The following MYOCD variants were observed in gnomAD, a reference collection of about 807,000 sequenced individuals.
MYOCD encodes myocardin.
MYOCD carries 32 observed loss-of-function variants against 96.1 expected under a neutral mutation model. That is an observed-to-expected ratio of 0.33 (90% CI 0.25 to 0.45). The LOEUF (loss-of-function observed/expected upper bound fraction) is 0.45. Among genes scored for constraint, MYOCD ranks in the 20% least tolerant of loss-of-function variants. The pLI, the probability that MYOCD is intolerant of heterozygous loss-of-function variation, is 1.00. For synonymous variants in MYOCD, 469 were observed against 469.0 expected (o/e 1.00, Z 0.00); for missense variants, 1,133 against 1,200.6 (o/e 0.94, Z 0.83).
intron 2 of MYOCD, among the ~76,000 whole-genome samples, chr17:12,710,337 C>T (rs901061747): frequency 5.9e-5 from 9 of 152,080 alleles, no homozygotes; most frequent in African/African-American, 2.2e-4. Flanking sequence ...GACACGGGGC[C>T]CGGGGAGGCT....
intron 1 of MYOCD, among the ~76,000 whole-genome samples, chr17:12,694,844 C>T (rs1201079650): frequency 1.1e-5 from 1 of 89,794 alleles, no homozygotes; most frequent in Non-Finnish European, 2.2e-5. Context: ...TCTAAACCTT[C>T]AATAATGGCC....
intron 9 of MYOCD, 38 bp from the exon 10 acceptor site, chr17:12,752,376 C>T (rs1193953359): frequency 3.3e-6 from 5 of 1,512,496 alleles, no homozygotes; most frequent in Admixed American, 2.0e-5. Flanking sequence ...AAAATATTGT[C>T]GTTAAACAGC....
In MYOCD at chr17:12,684,652, C is replaced by T. The variant is rs571393568; in HGVS notation, c.55+18409C>T. 3.3e-5 allele frequency among the ~76,000 whole-genome samples: 5 copies of T among 151,468 alleles called. No homozygotes were observed. The East Asian group carries it at 1.0e-3, about 30-fold the overall frequency. On this transcript the variant is annotated intron_variant, in intron 1 of 13. Transcript: ENST00000425538. ...ACAAGGTCAGGAGTGCAAGATTAGCCTGGCCAACATAGTGAAACCCCGTGT... is the reference window on the plus strand; with the variant it reads ...ACAAGGTCAGGAGTGCAAGATTAGCTTGGCCAACATAGTGAAACCCCGTGT...
In MYOCD at chr17:12,767,334, C is replaced by A. The variant is rs2033367951; in HGVS notation, c.*3690C>A. The stretch of plus-strand genomic sequence containing the variant: ...ATCAATAAAACCTATCCCAAGCATT[C>A]AAAATAGTCCTTTCCAAATGTTATT... On this transcript the variant is annotated 3_prime_UTR_variant, in exon 14 of 14. Transcript: ENST00000425538. The A allele has an allele frequency of 2.0e-5, 3 of 152,322 alleles. 1 individual carries two copies. In the South Asian group the frequency reaches 6.2e-4, roughly 32 times the overall value. The allele number at this position is 152,322 out of a possible 1,614,324, so 9.4% of individuals were successfully genotyped here.
At chr17:12,717,089 T>C (rs1378479359) in intron 3 of MYOCD, among the ~76,000 whole-genome samples, 2 of 151,190 alleles carry the variant, frequency 1.3e-5, no homozygotes, top group African/African-American at 4.9e-5. Context: ...GTTATTAACA[T>C]GTACCAACCT....
At chr17:12,680,935 A>G (rs951143480) in intron 1 of MYOCD, among the ~76,000 whole-genome samples, 4 of 152,242 alleles carry the variant, frequency 2.6e-5, no homozygotes, top group African/African-American at 9.6e-5. Context: ...CCCAAGAACT[A>G]TCTGATGCTC....
chr17:12,686,294 C>T (rs902747208), intron 1 of MYOCD, among the ~76,000 whole-genome samples: 14 of 152,174 alleles, frequency 9.2e-5, no homozygotes, highest in Admixed American at 8.5e-4. Context: ...GAGGAGGAAA[C>T]TGAAGCTGCA....
At chr17:12,703,571 T>C (rs550536378) in intron 1 of MYOCD, among the ~76,000 whole-genome samples, 45 of 152,224 alleles carry the variant, frequency 3.0e-4, no homozygotes, top group African/African-American at 1.0e-3. Flanking sequence ...TGACTTGATA[T>C]CTATTTTATG....
intron 1 of MYOCD, among the ~76,000 whole-genome samples, chr17:12,700,701 A>C (rs1313302685): frequency 6.6e-6 from 1 of 151,318 alleles, no homozygotes. Context: ...GGCTTGAGGC[A>C]GTGGGAGATT....
intron 4 of MYOCD, among the ~76,000 whole-genome samples, chr17:12,722,262 G>A (rs1183992690): frequency 2.6e-5 from 4 of 152,160 alleles, no homozygotes; most frequent in African/African-American, 9.7e-5. Context: ...GGCTCTGTAC[G>A]TGACCTTTCA....
intron 5 of MYOCD, among the ~76,000 whole-genome samples, chr17:12,733,874 GAAAAAAGAAAA>G (rs1188657518): frequency 7.0e-6 from 1 of 142,686 alleles, no homozygotes; most frequent in Non-Finnish European, 1.5e-5. Flanking sequence ...TCAAAAAAAA[GAAAAAAGAAAA>G]AAAGAAAGAA....
intron 9 of MYOCD, among the ~76,000 whole-genome samples, chr17:12,746,536 C>T (rs2032668499): frequency 6.6e-6 from 1 of 152,012 alleles, no homozygotes; most frequent in Non-Finnish European, 1.5e-5. Flanking sequence ...ACAAGTGAGA[C>T]AGGAGATGCT....
intron 2 of MYOCD, among the ~76,000 whole-genome samples, chr17:12,707,156 A>C (rs1359163943): frequency 6.6e-6 from 1 of 152,206 alleles, no homozygotes; most frequent in African/African-American, 2.4e-5. Flanking sequence ...GAGATTAAAC[A>C]TGCAATCTAC....
Position 12,732,332 on chromosome 17 carries a change from C to G in MYOCD, c.416-3829C>G, listed in dbSNP as rs188711007. Among the ~76,000 whole-genome samples the G allele has an allele frequency of 2.2e-3, 331 of 152,300 alleles. 4 individuals carry two copies. The highest frequency in any genetic ancestry group is 7.1e-3 in the African/African-American group (295 of 41,558). On this transcript the variant is annotated intron_variant, in intron 5 of 13. Transcript: ENST00000425538. ...TGCTAATGGCCACTCTATCATTTCTCGTCCACACGCCCCATCCTTTCATTG... is the reference window on the plus strand; with the variant it reads ...TGCTAATGGCCACTCTATCATTTCTGGTCCACACGCCCCATCCTTTCATTG...
At chr17:12,737,311 T>C (rs2032375080) in intron 6 of MYOCD, among the ~76,000 whole-genome samples, 2 of 152,150 alleles carry the variant, frequency 1.3e-5, no homozygotes, top group Admixed American at 1.3e-4. Flanking sequence ...CTGCTACATA[T>C]TAAGTGCTCA....
chr17:12,744,164 T>C lies in MYOCD; in HGVS notation c.718-19T>C, dbSNP rs1321088475. The C allele has an allele frequency of 2.5e-6, 4 of 1,611,468 alleles. No individual in the cohort carries two copies. On this transcript the variant is annotated intron_variant, in intron 7 of 13. Coordinates refer to ENST00000425538, the MANE Select transcript of MYOCD (RefSeq NM_001146312.3). ...AGCCATCACCTAAAGCACATGCAAT[T>C]TCCTCATCTTCTTTGCAGTCCAAAT...
chr17:12,696,480 T>C (rs564566815), intron 1 of MYOCD, among the ~76,000 whole-genome samples: 4 of 152,304 alleles, frequency 2.6e-5, no homozygotes, highest in African/African-American at 7.2e-5. Flanking sequence ...GTTTACTATT[T>C]TGAGGAGCTG....
intron 1 of MYOCD, among the ~76,000 whole-genome samples, chr17:12,672,690 A>T (rs1242436284): frequency 6.6e-6 from 1 of 152,140 alleles, no homozygotes; most frequent in African/African-American, 2.4e-5. Context: ...TACTTCTCTT[A>T]TGAGTACAAT....
intron 1 of MYOCD, among the ~76,000 whole-genome samples, chr17:12,678,112 C>T (rs980623490): frequency 3.3e-5 from 5 of 151,756 alleles, no homozygotes; most frequent in African/African-American, 1.2e-4. Context: ...TGGATGGTCT[C>T]GATCTCCTGA....
Sources: gnomAD v4.1 joint callset for allele counts (sites outside exome capture counted in the v4.1 genomes callset) on GRCh38, gnomAD v4.1.1 for gene constraint, MANE v1.5 for transcripts, NCBI Gene and HGNC (gene_info 2026-07-23, HGNC 2026-07-21) for gene names.